The following LMNB1 variants were observed in gnomAD, a reference collection of about 807,000 sequenced individuals.
LMNB1 encodes the protein lamin-B1.
A neutral mutation model predicts 67.1 loss-of-function variants in LMNB1; 23 were observed. That is an observed-to-expected ratio of 0.34 (90% CI 0.25 to 0.49). The LOEUF (loss-of-function observed/expected upper bound fraction) is 0.49. LMNB1 is among the 20% of genes least tolerant of loss of function. The pLI is 0.99. For missense variants in LMNB1, 634 were observed against 746.5 expected (o/e 0.85, Z 1.76); for synonymous variants, 281 against 282.9 (o/e 0.99, Z 0.07).
chr5:126,808,083 G>A (rs1469016123), intron 3 of LMNB1, among the ~76,000 whole-genome samples: 1 of 152,102 alleles, frequency 6.6e-6, no homozygotes, highest in African/African-American at 2.4e-5. Flanking sequence ...CATTGGCCAG[G>A]CTGGTCTCGA....
intron 1 of LMNB1, among the ~76,000 whole-genome samples, chr5:126,800,350 G>A (rs1186099039): frequency 6.6e-6 from 1 of 152,166 alleles, no homozygotes; most frequent in Non-Finnish European, 1.5e-5. Context: ...GTAAAGCAGG[G>A]AAGCATTACA....
Position 126,777,432 on chromosome 5 carries a change from C to T in LMNB1, c.-77C>T. On this transcript the variant is annotated 5_prime_UTR_variant, in exon 1 of 11. Transcript: ENST00000261366. ...GTCGCCGGTTTGTGCCTTCGGTCCC[C>T]GCTTCGCCCCCTGCCGTCCCCTCCT... is the stretch of plus-strand genomic sequence containing the variant. The T allele has an allele frequency of 3.2e-6, 4 of 1,255,192 alleles. No individual in the cohort carries two copies. The Middle Eastern group carries it at 9.2e-4, about 289-fold the overall frequency. 77.8% of individuals were successfully genotyped at this position (1,255,192 alleles called of 1,614,324 possible).
At chr5:126,825,853 T>G (rs1751983368) in intron 8 of LMNB1, 135 bp from the exon 9 acceptor site, 1 of 1,166,242 alleles carries the variant, frequency 8.6e-7, no homozygotes, top group Admixed American at 2.1e-5. Flanking sequence ...GCCACATAGC[T>G]GTGTATAGCA....
chr5:126,810,120 A>C (rs1347322403), intron 3 of LMNB1, 60 bp from the exon 4 acceptor site: 2 of 1,483,306 alleles, frequency 1.3e-6, no homozygotes, highest in East Asian at 2.3e-5. Flanking sequence ...TGTCACTCAG[A>C]TGTGTACCAA....
At chr5:126,796,844 G>A (rs1202649843) in intron 1 of LMNB1, among the ~76,000 whole-genome samples, 1 of 143,902 alleles carries the variant, frequency 6.9e-6, no homozygotes, top group African/African-American at 2.6e-5. Flanking sequence ...TTGGAGTGCA[G>A]TGGCACGATC....
At chr5:126,783,789 C>T (rs1750691674) in intron 1 of LMNB1, among the ~76,000 whole-genome samples, 1 of 152,014 alleles carries the variant, frequency 6.6e-6, no homozygotes, top group East Asian at 1.9e-4. Flanking sequence ...GATGGTGTCA[C>T]CTCTGATATG....
At chr5:126,800,982 A>ATATTTTTTTTT in intron 1 of LMNB1, among the ~76,000 whole-genome samples, 1 of 18,638 alleles carries the variant, frequency 5.4e-5, no homozygotes, top group Non-Finnish European at 1.0e-4. Flanking sequence ...TATATATATA[A>ATATTTTTTTTT]TTTTTTTTTT....
chr5:126,816,093 C>T (rs948393840), intron 5 of LMNB1, among the ~76,000 whole-genome samples: 20 of 151,904 alleles, frequency 1.3e-4, no homozygotes, highest in Non-Finnish European at 2.9e-4. Flanking sequence ...TTTGAACTTA[C>T]ATGACTTTTT....
chr5:126,783,092 T>C (rs547248494), intron 1 of LMNB1, among the ~76,000 whole-genome samples: 9 of 151,682 alleles, frequency 5.9e-5, no homozygotes, highest in Admixed American at 2.6e-4. Context: ...CCAGCTACTT[T>C]GGGAGGCTGA....
chr5:126,790,128 G>A (rs1750914557), intron 1 of LMNB1, among the ~76,000 whole-genome samples: 1 of 152,060 alleles, frequency 6.6e-6, no homozygotes, highest in Admixed American at 6.6e-5. Context: ...TTTTGAGACA[G>A]TCTTGCTCTG....
At chr5:126,799,436 G>C (rs1751206871) in intron 1 of LMNB1, among the ~76,000 whole-genome samples, 1 of 152,226 alleles carries the variant, frequency 6.6e-6, no homozygotes, top group South Asian at 2.1e-4. Context: ...TGTAAGAACT[G>C]TCTGCCCTGA....
chr5:126,791,610 T>C (rs966704429), intron 1 of LMNB1, among the ~76,000 whole-genome samples: 2 of 151,734 alleles, frequency 1.3e-5, no homozygotes, highest in Non-Finnish European at 2.9e-5. Flanking sequence ...ACTGGAGTAG[T>C]TGGGTGTGTG....
chr5:126,777,855 A>G lies in LMNB1; in HGVS notation c.347A>G (p.Gln116Arg). ...ELGKCKAEHD[Q>R]LLLNYAKKES... ...GGCAAGTGCAAGGCGGAACACGACC[A>G]GCTGCTCCTCAAGTGAGTGCTAGCT... Residue 116 changes from glutamine to arginine, a missense_variant, in exon 1 of 11, where the codon CAG becomes CGG. By Grantham distance (43) the Gln-to-Arg change is conservative (BLOSUM62 1). Transcript: ENST00000261366. The G allele has an allele frequency of 7.0e-7, 1 of 1,434,690 alleles. No homozygotes were observed. The highest frequency in any genetic ancestry group is 9.2e-7 in the Non-Finnish European group (1 of 1,092,408). The allele number at this position is 1,434,690 out of a possible 1,614,324, so 88.9% of individuals were successfully genotyped here.
At chr5:126,782,182 T>C (rs773434347) in intron 1 of LMNB1, among the ~76,000 whole-genome samples, 1 of 152,224 alleles carries the variant, frequency 6.6e-6, no homozygotes, top group African/African-American at 2.4e-5. Flanking sequence ...TTTACATCAG[T>C]CTTCAATAAC....
chr5:126,825,612 C>T (rs1751976294), intron 8 of LMNB1, among the ~76,000 whole-genome samples: 1 of 152,154 alleles, frequency 6.6e-6, no homozygotes, highest in Non-Finnish European at 1.5e-5. Context: ...AGTTAGCCAG[C>T]CACTGAATGT....
chr5:126,788,252 G>A (rs1289519192), intron 1 of LMNB1, among the ~76,000 whole-genome samples: 4 of 152,136 alleles, frequency 2.6e-5, no homozygotes, highest in Non-Finnish European at 5.9e-5. Flanking sequence ...AGCAATGTTA[G>A]TTGGCAATTT....
At chr5:126,835,447 T>C (rs1169868627) in intron 10 of LMNB1, among the ~76,000 whole-genome samples, 1 of 152,218 alleles carries the variant, frequency 6.6e-6, no homozygotes, top group Admixed American at 6.5e-5. Context: ...GACTTCACCT[T>C]GGAGGACAAA....
At chr5:126,805,026 T>C in intron 2 of LMNB1, 94 bp downstream of exon 2, 1 of 1,145,658 alleles carries the variant, frequency 8.7e-7, no homozygotes, top group Non-Finnish European at 1.2e-6. Flanking sequence ...TTTTCAAATG[T>C]ATTTTATTTT....
intron 5 of LMNB1, among the ~76,000 whole-genome samples, chr5:126,818,238 T>TC (rs1301300158): frequency 1.2e-4 from 14 of 117,788 alleles, no homozygotes; most frequent in Admixed American, 9.5e-4. Context: ...AGTGTTTATA[T>TC]CTTTTTTTTT....
Sources: allele counts gnomAD v4.1 joint callset (sites outside exome capture counted in the v4.1 genomes callset), GRCh38; gene constraint gnomAD v4.1.1; transcripts MANE v1.5; gene names NCBI Gene and HGNC (gene_info 2026-07-23, HGNC 2026-07-21).